BABAM2: variants seen among roughly 807,000 people sequenced by gnomAD.
BABAM2 encodes the protein BRISC and BRCA1 A complex member 2.
A neutral mutation model predicts 54.7 loss-of-function variants in BABAM2; 31 were observed. The observed-to-expected ratio is 0.57, with a 90% CI of 0.43 to 0.77. BABAM2 has a LOEUF of 0.77. Ranked by LOEUF, BABAM2 falls within the 30% of genes least tolerant of loss-of-function variation. BABAM2 has a pLI of 0.00. For synonymous variants in BABAM2, 167 were observed against 162.9 expected, an observed-to-expected ratio of 1.03 and a Z score of -0.19; for missense variants, 364 against 455.8, an observed-to-expected ratio of 0.80 and a Z score of 1.83.
chr2:27,961,929 T>C (rs1670502302), intron 3 of BABAM2, among the ~76,000 whole-genome samples: 1 of 151,858 alleles, frequency 6.6e-6, no homozygotes, highest in Non-Finnish European at 1.5e-5. Context: ...GGGGTCTCAC[T>C]ATGTTGTCCA....
chr2:27,936,722 C>G (rs1307410895), intron 3 of BABAM2, among the ~76,000 whole-genome samples: 1 of 151,990 alleles, frequency 6.6e-6, no homozygotes, highest in Non-Finnish European at 1.5e-5. Flanking sequence ...ACCGCATGTT[C>G]TCACTCATAG....
At chr2:28,224,835 A>C (rs1237885855) in intron 7 of BABAM2, among the ~76,000 whole-genome samples, 2 of 149,310 alleles carry the variant, frequency 1.3e-5, no homozygotes, top group African/African-American at 2.5e-5. Context: ...GAACAAGTCC[A>C]AAAACGGTAA....
intron 8 of BABAM2, 64 bp downstream of exon 8, chr2:28,237,365 A>G: frequency 7.0e-7 from 1 of 1,419,714 alleles, no homozygotes. Context: ...CCACGTACCC[A>G]AAATCATCGT....
intron 11 of BABAM2, among the ~76,000 whole-genome samples, chr2:28,328,011 G>A (rs902427915): frequency 6.6e-5 from 10 of 152,094 alleles, no homozygotes; most frequent in South Asian, 2.1e-4. Flanking sequence ...AGCTCCCATC[G>A]TGCCAGTCAC....
intron 6 of BABAM2, among the ~76,000 whole-genome samples, chr2:28,057,083 T>C (rs1422579521): frequency 1.3e-5 from 2 of 152,258 alleles, no homozygotes; most frequent in East Asian, 1.9e-4. Context: ...TTTCCAAATA[T>C]GTCGCAGGTT....
chr2:28,199,034 G>A lies in BABAM2; in HGVS notation c.681-38168G>A, dbSNP rs560153647. The stretch of plus-strand genomic sequence containing the variant: ...GATTATTAGAATTTTTGGTTTGTCG[G>A]CTTGAATGTGTGTACCTGTTACCAT... On this transcript the variant is annotated intron_variant, in intron 7 of 11. Transcript: ENST00000379624. Among the ~76,000 whole-genome samples the A allele has an allele frequency of 4.6e-5, 7 of 152,288 alleles. No homozygotes were observed. In the South Asian group the frequency reaches 8.3e-4, roughly 18 times the overall value.
At chr2:27,910,458 A>C (rs1443058224) in intron 2 of BABAM2, among the ~76,000 whole-genome samples, 1 of 152,204 alleles carries the variant, frequency 6.6e-6, no homozygotes, top group African/African-American at 2.4e-5. Flanking sequence ...ACACTGAATC[A>C]TAAGTAAGTA....
At chr2:27,985,107 T>A (rs969928589) in intron 3 of BABAM2, among the ~76,000 whole-genome samples, 2 of 139,460 alleles carry the variant, frequency 1.4e-5, no homozygotes, top group African/African-American at 5.7e-5. Flanking sequence ...GTAGCTACGA[T>A]TTCTTTATCC....
At chr2:28,070,078 A>C (rs1663983429) in intron 6 of BABAM2, among the ~76,000 whole-genome samples, 1 of 152,214 alleles carries the variant, frequency 6.6e-6, no homozygotes. Flanking sequence ...TTTACTAATT[A>C]CTGTGATTTA....
chr2:27,978,057 ATG>A (rs911083702), intron 3 of BABAM2, among the ~76,000 whole-genome samples: 19 of 152,160 alleles, frequency 1.2e-4, no homozygotes, highest in African/African-American at 4.6e-4. Context: ...TGGTTTGGAT[ATG>A]TGTCACCTCC....
intron 6 of BABAM2, among the ~76,000 whole-genome samples, chr2:28,109,311 C>T (rs994335374): frequency 2.0e-5 from 3 of 150,198 alleles, no homozygotes; most frequent in Non-Finnish European, 3.0e-5. Context: ...GCCTCAGCTT[C>T]CCAAGTAGCT....
At chr2:27,918,574 T>G (rs976722973) in intron 2 of BABAM2, among the ~76,000 whole-genome samples, 1 of 152,218 alleles carries the variant, frequency 6.6e-6, no homozygotes, top group Admixed American at 6.5e-5. Flanking sequence ...TTATTGTAAA[T>G]AATCCTATCA....
chr2:28,051,699 A>G (rs1006620916), intron 6 of BABAM2, among the ~76,000 whole-genome samples: 1 of 151,048 alleles, frequency 6.6e-6, no homozygotes, highest in African/African-American at 2.4e-5. Context: ...CCCAGGCTGG[A>G]GTGTAGTGGC....
chr2:28,164,007 GA>G (rs1212088403), intron 7 of BABAM2, among the ~76,000 whole-genome samples: 5 of 152,186 alleles, frequency 3.3e-5, no homozygotes, highest in African/African-American at 1.2e-4. Context: ...TCTCTTCTTA[GA>G]AACTCCTAGA....
At chr2:28,222,090 G>T (rs1680472076) in intron 7 of BABAM2, among the ~76,000 whole-genome samples, 1 of 152,208 alleles carries the variant, frequency 6.6e-6, no homozygotes, top group African/African-American at 2.4e-5. Flanking sequence ...CGGAAGCTCT[G>T]TGGTGGACCT....
chr2:27,998,334 C>T (rs932553269), intron 4 of BABAM2, among the ~76,000 whole-genome samples: 4 of 151,604 alleles, frequency 2.6e-5, no homozygotes, highest in South Asian at 2.1e-4. Context: ...TATTAGCATT[C>T]GAAATACAAG....
At chr2:28,124,205 A>G (rs996718382) in intron 6 of BABAM2, among the ~76,000 whole-genome samples, 1 of 152,200 alleles carries the variant, frequency 6.6e-6, no homozygotes, top group African/African-American at 2.4e-5. Flanking sequence ...TAACTCACAT[A>G]GGGCTACTTC....
chr2:28,097,110 A>G (rs1209304346), intron 6 of BABAM2, among the ~76,000 whole-genome samples: 2 of 152,202 alleles, frequency 1.3e-5, no homozygotes, highest in Non-Finnish European at 2.9e-5. Flanking sequence ...GCTGGCAGAA[A>G]GAGAGATGGG....
chr2:28,021,397 G>T (rs141580820), intron 4 of BABAM2, among the ~76,000 whole-genome samples: 133 of 152,282 alleles, frequency 8.7e-4, no homozygotes, highest in Middle Eastern at 3.4e-3. Context: ...GTGGGGGAAA[G>T]TATCTTCTCT....
Sources: gnomAD v4.1 joint callset for allele counts (sites outside exome capture counted in the v4.1 genomes callset) on GRCh38, gnomAD v4.1.1 for gene constraint, MANE v1.5 for transcripts, NCBI Gene and HGNC (gene_info 2026-07-23, HGNC 2026-07-21) for gene names.